Variants in SLC9C2 observed in about 807,000 individuals in gnomAD.
SLC9C2 encodes the protein solute carrier family 9 member C2 (putative).
In SLC9C2, 75 loss-of-function variants were observed where a neutral mutation model predicts 140.2. That is an observed-to-expected ratio of 0.53 (90% CI 0.44 to 0.65). The LOEUF (loss-of-function observed/expected upper bound fraction) is 0.65, where lower values mean the gene tolerates loss of function less well. Among genes scored for constraint, SLC9C2 ranks in the 30% least tolerant of loss-of-function variants. The pLI is 0.00. For synonymous variants in SLC9C2, 375 were observed against 420.9 expected (o/e 0.89, Z 1.34); for missense variants, 1,074 against 1,331.8 (o/e 0.81, Z 3.01).
intron 7 of SLC9C2, among the ~76,000 whole-genome samples, chr1:173,581,497 G>A (rs1320152748): frequency 2.0e-5 from 3 of 152,150 alleles, no homozygotes; most frequent in Non-Finnish European, 1.5e-5. Context: ...ATCTCTCCTA[G>A]CCTTCTCAGT....
At chr1:173,555,993 G>A (rs1033666496) in intron 10 of SLC9C2, among the ~76,000 whole-genome samples, 1 of 152,126 alleles carries the variant, frequency 6.6e-6, no homozygotes, top group Non-Finnish European at 1.5e-5. Flanking sequence ...TTGGGACTTC[G>A]GGGCAGCAGC....
chr1:173,556,614 T>C (rs1481793230), intron 10 of SLC9C2, among the ~76,000 whole-genome samples: 1 of 152,108 alleles, frequency 6.6e-6, no homozygotes, highest in African/African-American at 2.4e-5. Flanking sequence ...CTGATGGCTA[T>C]TGAAAAATTG....
intron 13 of SLC9C2, among the ~76,000 whole-genome samples, chr1:173,544,562 G>A (rs1286771708): frequency 6.6e-6 from 1 of 152,030 alleles, no homozygotes; most frequent in East Asian, 1.9e-4. Flanking sequence ...TGCAAACTCT[G>A]TTTATTGAGG....
intron 21 of SLC9C2, 98 bp from the exon 22 acceptor site, chr1:173,521,497 ATGATTT>A: frequency 3.9e-6 from 1 of 257,254 alleles, no homozygotes; most frequent in Non-Finnish European, 7.1e-6. Flanking sequence ...ATATATATAT[ATGATTT>A]TATTATATAT....
chr1:173,548,868 G>A (rs961398836), intron 11 of SLC9C2, among the ~76,000 whole-genome samples: 4 of 152,160 alleles, frequency 2.6e-5, no homozygotes, highest in African/African-American at 7.2e-5. Context: ...GTGTACAGGT[G>A]GAAGGGCTGC....
At chr1:173,589,980 C>T (rs1297440909) in intron 4 of SLC9C2, among the ~76,000 whole-genome samples, 1 of 152,228 alleles carries the variant, frequency 6.6e-6, no homozygotes, top group African/African-American at 2.4e-5. Context: ...CCGTGGCTCA[C>T]TCCTACAATC....
At chr1:173,537,273 G>T (rs1662039741) in intron 13 of SLC9C2, among the ~76,000 whole-genome samples, 1 of 152,066 alleles carries the variant, frequency 6.6e-6, no homozygotes, top group African/African-American at 2.4e-5. Flanking sequence ...TAGCTTTCTA[G>T]AAAATCAAAA....
At chr1:173,522,056 G>A (rs989537258) in intron 21 of SLC9C2, among the ~76,000 whole-genome samples, 5 of 152,018 alleles carry the variant, frequency 3.3e-5, no homozygotes, top group African/African-American at 9.7e-5. Flanking sequence ...GTGAAACCCC[G>A]TCTCTACTAA....
intron 27 of SLC9C2, among the ~76,000 whole-genome samples, chr1:173,501,655 C>A (rs139261582): frequency 6.6e-6 from 1 of 151,736 alleles, no homozygotes; most frequent in African/African-American, 2.4e-5. Flanking sequence ...GAACTACAGG[C>A]GCCCACCACC....
At chr1:173,591,392 C>T (rs1183718865) in intron 4 of SLC9C2, among the ~76,000 whole-genome samples, 1 of 151,884 alleles carries the variant, frequency 6.6e-6, no homozygotes, top group Non-Finnish European at 1.5e-5. Flanking sequence ...GTATATATCC[C>T]GTAATGGGAT....
chr1:173,578,520 A>G (rs56273514), intron 7 of SLC9C2, among the ~76,000 whole-genome samples: 8,845 of 152,304 alleles, frequency 0.058, 375 homozygotes, highest in Non-Finnish European at 0.084. Context: ...CCTGAAGCAG[A>G]GGAAAGTGTA....
At chr1:173,505,561 T>C (rs1659573383) in intron 25 of SLC9C2, among the ~76,000 whole-genome samples, 1 of 152,150 alleles carries the variant, frequency 6.6e-6, no homozygotes, top group South Asian at 2.1e-4. Flanking sequence ...ACCTTACTCA[T>C]AACTAGGCTG....
At chr1:173,585,884 C>T (rs1216655020) in intron 5 of SLC9C2, among the ~76,000 whole-genome samples, 3 of 152,084 alleles carry the variant, frequency 2.0e-5, no homozygotes, top group African/African-American at 7.2e-5. Flanking sequence ...AGGAGAATCG[C>T]TTAAACCCAG....
At position 173,573,216 on chromosome 1, in the gene SLC9C2, T is replaced by C. The variant is rs758318116; in HGVS notation, c.1012A>G (p.Ile338Val). 1.9e-6 allele frequency: 3 copies of C among 1,565,478 alleles called. No homozygotes were observed. Among genetic ancestry groups the C allele is most frequent in the Non-Finnish European group, 2.6e-6 (3 of 1,144,472 alleles). ...SHYEFHTIPF[I>V]FILFTTVNLV... ...TTCACTGTTGTAAATAAAATGAATA[T>C]GAAAGGTATAGTGTGAAATTCATAG... is the stretch of plus-strand genomic sequence containing the variant. Residue 338 changes from isoleucine (I) to valine (V), a missense_variant, in exon 9 of 28, where the codon ATA (isoleucine) becomes GTA (valine). Ile to Val is a conservative substitution (Grantham distance 29). Coordinates refer to ENST00000367714, the MANE Select transcript of SLC9C2 (RefSeq NM_178527.4).
chr1:173,507,103 A>G, intron 24 of SLC9C2, 62 bp from the exon 25 acceptor site: 1 of 1,285,318 alleles, frequency 7.8e-7, no homozygotes, highest in East Asian at 2.4e-5. Context: ...ATCAAGAAGA[A>G]AACAGATTTA....
intron 6 of SLC9C2, 116 bp downstream of exon 6, chr1:173,583,390 A>G (rs7541082): frequency 0.28 from 157,600 of 571,942 alleles, 26,411 homozygotes; most frequent in East Asian, 0.68. Context: ...TTCATATATC[A>G]TTGTAATCAG....
rs762464071 is a variant in SLC9C2 at position 173,524,102 on chromosome 1, C to A, written c.2515-8G>T. 4.4e-6 allele frequency: 7 copies of A among 1,600,190 alleles called. No homozygotes were observed. Among genetic ancestry groups the A allele is most frequent in the Non-Finnish European group, 6.0e-6 (7 of 1,174,544 alleles). On this transcript the variant is annotated splice_region_variant and splice_polypyrimidine_tract_variant and intron_variant, in intron 20 of 27. Coordinates refer to ENST00000367714, the MANE Select transcript of SLC9C2 (RefSeq NM_178527.4). Reference sequence around the variant, plus strand: ...TAATTTTTTAAGAAGTACCTAAAAACAAATAATCAAAATAATGGGGATCAG... The same window carrying A: ...TAATTTTTTAAGAAGTACCTAAAAAAAAATAATCAAAATAATGGGGATCAG...
At chr1:173,538,251 G>T (rs1265874829) in intron 13 of SLC9C2, among the ~76,000 whole-genome samples, 2 of 152,186 alleles carry the variant, frequency 1.3e-5, no homozygotes, top group Admixed American at 6.5e-5. Flanking sequence ...AAGCCTCCGT[G>T]ATGGCCCTGG....
At chr1:173,531,267 C>A (rs1661561688) in intron 17 of SLC9C2, among the ~76,000 whole-genome samples, 1 of 152,132 alleles carries the variant, frequency 6.6e-6, no homozygotes, top group Non-Finnish European at 1.5e-5. Context: ...TCAGAGCATG[C>A]TAGACAGAAG....
Sources: allele counts gnomAD v4.1 joint callset (sites outside exome capture counted in the v4.1 genomes callset), GRCh38; gene constraint gnomAD v4.1.1; transcripts MANE v1.5; gene names NCBI Gene and HGNC (gene_info 2026-07-23, HGNC 2026-07-21).